ZNF792: variants seen among roughly 807,000 people sequenced by gnomAD.
The protein encoded by ZNF792 is zinc finger protein 792.
Under a neutral mutation model 13.1 loss-of-function variants are expected in ZNF792, and 14 were observed. The observed-to-expected ratio is 1.07, with a 90% CI of 0.71 to 1.67. The LOEUF (loss-of-function observed/expected upper bound fraction) is 1.67, where lower values mean the gene tolerates loss of function less well. Among genes scored for constraint, ZNF792 ranks in the 40% most tolerant of loss-of-function variants. The pLI is 0.00. For missense variants in ZNF792, 740 were observed against 807.9 expected (o/e 0.92, Z 1.02); for synonymous variants, 257 against 292.0 (o/e 0.88, Z 1.22).
chr19:34,957,561 A>T lies in ZNF792; in HGVS notation c.*395T>A, dbSNP rs1377941971. The stretch of plus-strand genomic sequence containing the variant: ...GAGATAAGTTGTTGTGTAGAGTAAC[A>T]TGAAGGCTGGACAAATCCTTCACAG... On this transcript the variant is annotated 3_prime_UTR_variant, in exon 4 of 4. Coordinates refer to ENST00000404801, the MANE Select transcript of ZNF792 (RefSeq NM_175872.5). The T allele has an allele frequency of 3.1e-5, 6 of 191,906 alleles. No individual in the cohort carries two copies. The highest frequency in any genetic ancestry group is 6.4e-5 in the Non-Finnish European group (6 of 94,484). The allele number at this position is 191,906 out of a possible 1,614,324, so 11.9% of individuals were successfully genotyped here.
intron 3 of ZNF792, 136 bp from the exon 4 acceptor site, chr19:34,959,707 G>T: frequency 2.1e-6 from 2 of 972,712 alleles, no homozygotes; most frequent in Non-Finnish European, 2.9e-6. Flanking sequence ...TCAGGGTAAG[G>T]AATAATCTGC....
In ZNF792 at chr19:34,964,063, T is replaced by A; in HGVS notation, c.-401A>T. Reference sequence around the variant, plus strand: ...TCAGCCTCCCCGCCGGGAAATGACCTGCGAGGCTGCAGTGCAGGAAGTTCC... The same window carrying A: ...TCAGCCTCCCCGCCGGGAAATGACCAGCGAGGCTGCAGTGCAGGAAGTTCC... On this transcript the variant is annotated 5_prime_UTR_variant, in exon 1 of 4. Transcript: ENST00000404801. The A allele has an allele frequency of 5.1e-6, 1 of 196,622 alleles. No homozygotes were observed. The highest frequency in any genetic ancestry group is 1.0e-5 in the Non-Finnish European group (1 of 97,180). The allele number at this position is 196,622 out of a possible 1,614,324, so 12.2% of individuals were successfully genotyped here. A position where few individuals can be genotyped will look rare whatever the true frequency, so the allele number is the denominator to read the frequency against.
chr19:34,959,457 G>T lies in ZNF792; in HGVS notation c.398C>A (p.Pro133His). Residue 133 changes from proline (P) to histidine (H), a missense_variant, in exon 4 of 4, where the codon CCC becomes CAC. Transcript: ENST00000404801. Reference sequence around the variant, plus strand: ...CAAACGTAGGCCACATATGTCACAGGGGCAGGTCTTCTGGGGGCACAGAGT... The same window carrying T: ...CAAACGTAGGCCACATATGTCACAGTGGCAGGTCTTCTGGGGGCACAGAGT... ...EATLCPQKTC[P>H]CDICGLRLKD... 2 of 1,613,904 alleles carry T rather than the reference G, an allele frequency of 1.2e-6. No homozygotes were observed. The highest frequency in any genetic ancestry group is 1.7e-6 in the Non-Finnish European group (2 of 1,179,830).
Position 34,959,402 on chromosome 19 carries a change from C to G in ZNF792, c.453G>C (p.Gln151His). Residue 151 changes from glutamine (Q) to histidine (H), a missense_variant, in exon 4 of 4, where the codon CAG becomes CAC. By Grantham distance (24) the Gln-to-His change is conservative (BLOSUM62 0). Transcript: ENST00000404801. ...ATGGTTTCTGCCTGGGATGTGTTGT[C>G]TGGTGTTCAGCCAAATGCAAAATGT... ...LKDILHLAEH[Q>H]TTHPRQKPFV... is the part of the protein sequence containing the mutation. 6.2e-7 allele frequency: 1 copy of G among 1,614,138 alleles called. No homozygotes were observed. The highest frequency in any genetic ancestry group is 8.5e-7 in the Non-Finnish European group (1 of 1,179,976).
Position 34,960,409 on chromosome 19 carries a change from C to A in ZNF792, c.161-52G>T, listed in dbSNP as rs544350376. On this transcript the variant is annotated intron_variant, in intron 2 of 3. Coordinates refer to ENST00000404801, the MANE Select transcript of ZNF792 (RefSeq NM_175872.5). ...GGCCAGCACCTGCCCAGTTGAACTA[C>A]CCCATGATAGACTACAAGACAGGAA... 2.3e-5 allele frequency: 37 copies of A among 1,594,338 alleles called. No individual in the cohort carries two copies. In the South Asian group the frequency reaches 3.9e-4, roughly 17 times the overall value.
In ZNF792 at chr19:34,958,782, C is replaced by T; in HGVS notation, c.1073G>A (p.Arg358Lys). The T allele has an allele frequency of 6.2e-7, 1 of 1,614,076 alleles. No homozygotes were observed. Among genetic ancestry groups the T allele is most frequent in the East Asian group, 2.2e-5 (1 of 44,886 alleles). ...SRSSNLIQHKRVHTGEKPYEC... is the reference protein window; with the variant it reads ...SRSSNLIQHKKVHTGEKPYEC... Reference sequence around the variant, plus strand: ...ATATGGCTTTTCACCAGTGTGAACCCTCTTATGCTGAATGAGGTTGGAGCT... The same window carrying T: ...ATATGGCTTTTCACCAGTGTGAACCTTCTTATGCTGAATGAGGTTGGAGCT... Residue 358 changes from arginine to lysine, a missense_variant, in exon 4 of 4, where the codon AGG (arginine) becomes AAG (lysine). Transcript: ENST00000404801.
At chr19:34,963,378 G>T (rs912627316) in intron 1 of ZNF792, among the ~76,000 whole-genome samples, 19 of 151,886 alleles carry the variant, frequency 1.3e-4, no homozygotes, top group Middle Eastern at 3.4e-3. Context: ...TTTTGCGCAC[G>T]CTGGTTCCTG....
At position 34,958,344 on chromosome 19, in the gene ZNF792, C is replaced by G. The variant is rs142139829; in HGVS notation, c.1511G>C (p.Arg504Pro). 7 of 1,612,888 alleles carry G rather than the reference C, an allele frequency of 4.3e-6. No individual in the cohort carries two copies. ...NSHRRLHTGE[R>P]PYQCSECGKF... is the part of the protein sequence containing the mutation. ...CCCACATTCACTGCACTGGTAAGGC[C>G]GTTCACCAGTGTGAAGTCTCCGATG... Residue 504 changes from arginine to proline, a missense_variant, in exon 4 of 4, where the codon CGG becomes CCG. Transcript: ENST00000404801.
Position 34,958,000 on chromosome 19 carries a change from A to G in ZNF792, c.1855T>C (p.Leu619=). 2.5e-6 allele frequency: 4 copies of G among 1,612,888 alleles called. No homozygotes were observed. The highest frequency in any genetic ancestry group is 2.5e-6 in the Non-Finnish European group (3 of 1,179,372). ...RPYQGAVNYK[L]KLVHPSTHPG... Reference sequence around the variant, plus strand: ...TGGGTACTTGGATGAACAAGTTTCAACTTGTAGTTGACAGCGCCCTGATAA... The same window carrying G: ...TGGGTACTTGGATGAACAAGTTTCAGCTTGTAGTTGACAGCGCCCTGATAA... Residue 619 remains leucine, a synonymous_variant, in exon 4 of 4, where the codon TTG becomes CTG. Coordinates refer to ENST00000404801, the MANE Select transcript of ZNF792 (RefSeq NM_175872.5).
rs759773750 is a variant in ZNF792 at position 34,958,463 on chromosome 19, G to A, written c.1392C>T (p.Asp464=). The A allele has an allele frequency of 6.2e-7, 1 of 1,603,992 alleles. No individual in the cohort carries two copies. Among genetic ancestry groups the A allele is most frequent in the South Asian group, 1.1e-5 (1 of 89,324 alleles). ...TGTGAACTCGCTGATGTTTCATGAG[G>A]TCAGAGCTTCGGCTGAAGGCTTTCC... The part of the protein sequence containing the change: ...ECGKAFSRSS[D]LMKHQRVHTG... The change falls in exon 4 of 4, where the codon GAC becomes GAT. Residue 464 remains aspartate, a synonymous_variant. Coordinates refer to ENST00000404801, the MANE Select transcript of ZNF792 (RefSeq NM_175872.5).
chr19:34,960,920 T>C lies in ZNF792; in HGVS notation c.108A>G (p.Arg36=). ...CCAGCATCACATCGCAGTACAGGAG[T>C]CTCTGAGCCTCATCGAGGAGCACCC... ...EEWVLLDEAQ[R]LLYCDVMLEN... The change falls in exon 2 of 4, where the codon AGA becomes AGG. Residue 36 remains arginine, a synonymous_variant. Transcript: ENST00000404801. 6.2e-7 allele frequency: 1 copy of C among 1,613,590 alleles called. No homozygotes were observed. The highest frequency in any genetic ancestry group is 1.7e-5 in the Admixed American group (1 of 59,968).
In ZNF792 at chr19:34,963,643, C is replaced by T; in HGVS notation, c.20G>A (p.Arg7Gln). ...CCAAGCACTCACCTGCGCGGGGTCCCGCAGCGCCGCCGCTGCCATCGGAGT... is the reference window on the plus strand; with the variant it reads ...CCAAGCACTCACCTGCGCGGGGTCCTGCAGCGCCGCCGCTGCCATCGGAGT... MAAAAL[R>Q]DPAQGCVTFE... is the part of the protein sequence containing the mutation. The change falls in exon 1 of 4, where the codon CGG becomes CAG. Residue 7 changes from arginine (R) to glutamine (Q), a missense_variant. Arg to Gln is a conservative substitution (Grantham distance 43). Transcript: ENST00000404801. 2 of 1,602,040 alleles carry T rather than the reference C, an allele frequency of 1.2e-6. No homozygotes were observed. The highest frequency in any genetic ancestry group is 1.7e-6 in the Non-Finnish European group (2 of 1,175,460).
At position 34,958,451 on chromosome 19, in the gene ZNF792, A is replaced by G; in HGVS notation, c.1404T>C (p.His468=). The G allele has an allele frequency of 1.9e-6, 3 of 1,606,066 alleles. No individual in the cohort carries two copies. Among genetic ancestry groups the G allele is most frequent in the Non-Finnish European group, 2.6e-6 (3 of 1,176,264 alleles). ...AFSRSSDLMK[H]QRVHTGERPY... is the part of the protein sequence containing the mutation. ...GCCGCTCACCAGTGTGAACTCGCTG[A>G]TGTTTCATGAGGTCAGAGCTTCGGC... is the stretch of plus-strand genomic sequence containing the variant. Residue 468 remains histidine (H), a synonymous_variant, in exon 4 of 4, where the codon CAT becomes CAC. Transcript: ENST00000404801.
At chr19:34,961,788 C>G (rs2013531443) in intron 1 of ZNF792, among the ~76,000 whole-genome samples, 1 of 152,192 alleles carries the variant, frequency 6.6e-6, no homozygotes, top group African/African-American at 2.4e-5. Flanking sequence ...ACTCTGCCAA[C>G]TGACTCCTCT....
Position 34,959,445 on chromosome 19 carries a change from C to T in ZNF792, c.410G>A (p.Cys137Tyr). The change falls in exon 4 of 4, where the codon TGT (cysteine) becomes TAT (tyrosine). Residue 137 changes from cysteine (C) to tyrosine (Y), a missense_variant. Cys to Tyr is a radical substitution (Grantham distance 194). Transcript: ENST00000404801. ...CAAAATGTCTTTCAAACGTAGGCCA[C>T]ATATGTCACAGGGGCAGGTCTTCTG... is the stretch of plus-strand genomic sequence containing the variant. Reference protein sequence around the residue: ...CPQKTCPCDICGLRLKDILHL... With the variant: ...CPQKTCPCDIYGLRLKDILHL... 2 of 1,614,108 alleles carry T rather than the reference C, an allele frequency of 1.2e-6. No individual in the cohort carries two copies. Among genetic ancestry groups the T allele is most frequent in the South Asian group, 1.1e-5 (1 of 91,084 alleles).
rs2013564416 is a variant in ZNF792 at position 34,963,717 on chromosome 19, T to A, written c.-55A>T. The A allele has an allele frequency of 3.3e-6, 5 of 1,517,158 alleles. No individual in the cohort carries two copies. The highest frequency in any genetic ancestry group is 4.4e-6 in the Non-Finnish European group (5 of 1,134,434). 94.0% of individuals were successfully genotyped at this position (1,517,158 alleles called of 1,614,324 possible). A position where few individuals can be genotyped will look rare whatever the true frequency, so the allele number is the denominator to read the frequency against. On this transcript the variant is annotated 5_prime_UTR_variant, in exon 1 of 4. Coordinates refer to ENST00000404801, the MANE Select transcript of ZNF792 (RefSeq NM_175872.5). ...GGTGCGGGAAACCACGGGGCGGGGG[T>A]AGGGGGTCTCGCAGGCTGAGGCTAC...
At position 34,957,787 on chromosome 19, in the gene ZNF792, G is replaced by A; in HGVS notation, c.*169C>T. 1 of 637,940 alleles carries A rather than the reference G, an allele frequency of 1.6e-6. No individual in the cohort carries two copies. The highest frequency in any genetic ancestry group is 2.8e-5 in the East Asian group (1 of 35,306). The allele number at this position is 637,940 out of a possible 1,614,324, so 39.5% of individuals were successfully genotyped here. A position where few individuals can be genotyped will look rare whatever the true frequency, so the allele number is the denominator to read the frequency against. Reference sequence around the variant, plus strand: ...TAGGGATTGGAAAGAGAGAGGAGAGGTCTGCCTTCCCTGAGCACAGTGGAG... The same window carrying A: ...TAGGGATTGGAAAGAGAGAGGAGAGATCTGCCTTCCCTGAGCACAGTGGAG... On this transcript the variant is annotated 3_prime_UTR_variant, in exon 4 of 4. Transcript: ENST00000404801.
chr19:34,960,102 G>A, intron 3 of ZNF792, 133 bp downstream of exon 3: 1 of 1,333,014 alleles, frequency 7.5e-7, no homozygotes, highest in Non-Finnish European at 1.0e-6. Flanking sequence ...GTCAAGCACG[G>A]GGAAGGAAAA....
intron 1 of ZNF792, 54 bp downstream of exon 1, chr19:34,963,576 G>A (rs753928457): frequency 1.1e-5 from 17 of 1,582,614 alleles, no homozygotes; most frequent in Admixed American, 1.8e-5. Context: ...TCTCAACACC[G>A]AGAACAGAAG....
Sources: allele counts gnomAD v4.1 joint callset (sites outside exome capture counted in the v4.1 genomes callset), GRCh38; gene constraint gnomAD v4.1.1; transcripts MANE v1.5; gene names NCBI Gene and HGNC (gene_info 2026-07-23, HGNC 2026-07-21).